HTR2C: variants seen among roughly 807,000 people sequenced by gnomAD.
HTR2C encodes the protein 5-hydroxytryptamine (serotonin) receptor 2C, G protein-coupled.
HTR2C carries 5 observed loss-of-function variants against 21.0 expected under a neutral mutation model. The observed-to-expected ratio is 0.24, with a 90% CI of 0.12 to 0.50. The LOEUF is 0.50. HTR2C is among the 20% of genes least tolerant of loss of function. HTR2C has a pLI of 0.98. For synonymous variants in HTR2C, 150 were observed against 145.3 expected, an observed-to-expected ratio of 1.03 and a Z score of -0.23; for missense variants, 271 against 371.2, an observed-to-expected ratio of 0.73 and a Z score of 2.22.
At chrX:114,707,127 A>C (rs1255994615) in intron 2 of HTR2C, among the ~76,000 whole-genome samples, 1 of 112,221 alleles carries the variant, frequency 8.9e-6, no homozygotes, top group Non-Finnish European at 1.9e-5. Context: ...AATTCTAAAA[A>C]CAAATTATTC....
chrX:114,804,156 C>G (rs1333558593), intron 4 of HTR2C, among the ~76,000 whole-genome samples: 1 of 111,598 alleles, frequency 9.0e-6, no homozygotes, highest in African/African-American at 3.3e-5. Context: ...AACGAGGGGA[C>G]AGTTCCAAGA....
chrX:114,776,268 G>A, intron 4 of HTR2C: 1 of 580,638 alleles, frequency 1.7e-6, no homozygotes, highest in East Asian at 3.3e-5. Flanking sequence ...ATAATTCTAA[G>A]TACATTGAGA....
intron 2 of HTR2C, among the ~76,000 whole-genome samples, chrX:114,614,451 G>T (rs1569478318): frequency 9.1e-6 from 1 of 109,688 alleles, no homozygotes; most frequent in East Asian, 2.9e-4. Flanking sequence ...GTAGAGACAG[G>T]GTTTCACCAT....
chrX:114,606,480 C>A (rs1027740739), intron 1 of HTR2C, among the ~76,000 whole-genome samples: 9 of 111,383 alleles, frequency 8.1e-5, no homozygotes, highest in Non-Finnish European at 1.3e-4. Context: ...AGTCCGTGAC[C>A]GGCGCCGGAG....
chrX:114,748,072 C>G (rs782110353), intron 4 of HTR2C, among the ~76,000 whole-genome samples: 1 of 112,143 alleles, frequency 8.9e-6, no homozygotes, highest in African/African-American at 3.2e-5. Flanking sequence ...TTAGCAAGCT[C>G]TTAGGATGCA....
chrX:114,902,231 C>T (rs2071342064), intron 5 of HTR2C, among the ~76,000 whole-genome samples: 1 of 111,603 alleles, frequency 9.0e-6, no homozygotes, highest in Non-Finnish European at 1.9e-5. Context: ...GCATGAATTA[C>T]TATTGGTTGA....
chrX:114,899,151 C>T (rs782186577), intron 5 of HTR2C, among the ~76,000 whole-genome samples: 7 of 111,560 alleles, frequency 6.3e-5, no homozygotes, highest in Admixed American at 1.9e-4. Flanking sequence ...TTTTGTGGCA[C>T]TTGTGAATGG....
Position 114,907,333 on chromosome X carries a change from C to T in HTR2C, c.1295C>T (p.Pro432Leu). 8.3e-7 allele frequency: 1 copy of T among 1,210,811 alleles called. No individual in the cohort carries two copies. The highest frequency in any genetic ancestry group is 1.1e-6 in the Non-Finnish European group (1 of 895,031). Residue 432 changes from proline (P) to leucine (L), a missense_variant, in exon 6 of 6, where the codon CCC (proline) becomes CTC (leucine). Pro to Leu is a moderately conservative substitution (Grantham distance 98, BLOSUM62 -3). Around this residue, in one of 5 missense-constraint regions of HTR2C, gnomAD observed 192 missense variants for 247.2 expected, o/e 0.78. Coordinates refer to ENST00000276198, the MANE Select transcript of HTR2C (RefSeq NM_000868.4). Reference protein sequence around the residue: ...PVIEKASDNEPGIEMQVENLE... With the variant: ...PVIEKASDNELGIEMQVENLE... Reference sequence around the variant, plus strand: ...ATCGAGAAAGCCAGTGACAATGAGCCCGGTATAGAGATGCAAGTTGAGAAT... The same window carrying T: ...ATCGAGAAAGCCAGTGACAATGAGCTCGGTATAGAGATGCAAGTTGAGAAT...
At chrX:114,635,991 T>A (rs1045599423) in intron 2 of HTR2C, among the ~76,000 whole-genome samples, 1 of 110,705 alleles carries the variant, frequency 9.0e-6, no homozygotes, top group African/African-American at 3.3e-5. Flanking sequence ...ATTTTCAGAC[T>A]GTGAATATAG....
At chrX:114,757,434 AC>A (rs1230232507) in intron 4 of HTR2C, among the ~76,000 whole-genome samples, 5 of 111,802 alleles carry the variant, frequency 4.5e-5, no homozygotes, top group Non-Finnish European at 7.5e-5. Context: ...AAACAAACAA[AC>A]AAAAACAAAA....
chrX:114,703,244 C>A (rs1489892545), intron 2 of HTR2C, among the ~76,000 whole-genome samples: 8 of 107,320 alleles, frequency 7.5e-5, no homozygotes, highest in African/African-American at 2.7e-4. Context: ...CACCCCAAAT[C>A]AACAGAATAT....
chrX:114,766,291 A>G (rs1297671839), intron 4 of HTR2C, among the ~76,000 whole-genome samples: 1 of 111,886 alleles, frequency 8.9e-6, no homozygotes, highest in East Asian at 2.8e-4. Context: ...TGAAAATAAG[A>G]ACTTCTATTT....
At chrX:114,652,653 G>T (rs372969387) in intron 2 of HTR2C, 1 of 381,369 alleles carries the variant, frequency 2.6e-6, no homozygotes, top group South Asian at 2.4e-5. Flanking sequence ...CTGGCATATA[G>T]CAGGTCCTCA....
intron 4 of HTR2C, among the ~76,000 whole-genome samples, chrX:114,794,487 T>C (rs1361679585): frequency 3.8e-5 from 4 of 104,781 alleles, no homozygotes; most frequent in Admixed American, 1.0e-4. Flanking sequence ...TAACTCATCA[T>C]TTAGCATTAG....
At chrX:114,858,078 C>T (rs782097626) in intron 5 of HTR2C, among the ~76,000 whole-genome samples, 9 of 110,923 alleles carry the variant, frequency 8.1e-5, no homozygotes, top group African/African-American at 2.6e-4. Context: ...TGTCCTTGTA[C>T]TAGTATTACA....
chrX:114,704,240 G>A (rs1932681765), intron 2 of HTR2C, among the ~76,000 whole-genome samples: 1 of 111,146 alleles, frequency 9.0e-6, no homozygotes, highest in Non-Finnish European at 1.9e-5. Context: ...ACCAAAGCTG[G>A]GCAGAGACAC....
chrX:114,899,656 C>T (rs893868536), intron 5 of HTR2C, among the ~76,000 whole-genome samples: 18 of 107,543 alleles, frequency 1.7e-4, no homozygotes, highest in African/African-American at 3.7e-5. Flanking sequence ...CCAGGTGGGC[C>T]GTTGCCCCGC....
At chrX:114,903,471 A>C (rs2071351382) in intron 5 of HTR2C, among the ~76,000 whole-genome samples, 1 of 112,343 alleles carries the variant, frequency 8.9e-6, no homozygotes, top group South Asian at 3.6e-4. Context: ...AGCTATTAGA[A>C]TCACCCTTTC....
chrX:114,776,165 G>A, intron 4 of HTR2C: 1 of 542,891 alleles, frequency 1.8e-6, no homozygotes, highest in Non-Finnish European at 3.3e-6. Flanking sequence ...CACATCAAAA[G>A]TGCCACCTCT....
Sources: gnomAD v4.1 joint callset for allele counts (sites outside exome capture counted in the v4.1 genomes callset) on GRCh38, gnomAD v4.1.1 for gene constraint, gnomAD v4.1.1 regional missense constraint, MANE v1.5 for transcripts, NCBI Gene and HGNC (gene_info 2026-07-23, HGNC 2026-07-21) for gene names.